Variants in FRMPD3 observed in about 807,000 individuals in gnomAD.
FRMPD3 encodes the protein FERM and PDZ domain-containing protein 3.
A neutral mutation model predicts 97.9 loss-of-function variants in FRMPD3; 42 were observed. That is an observed-to-expected ratio of 0.43 (90% confidence interval 0.34 to 0.55). The LOEUF is 0.55. Ranked by LOEUF, FRMPD3 falls within the 20% of genes least tolerant of loss-of-function variation. The pLI, the probability that FRMPD3 is intolerant of heterozygous loss-of-function variation, is 0.03. For synonymous variants in FRMPD3, 577 were observed against 581.1 expected (o/e 0.99, Z 0.10); for missense variants, 1,303 against 1,457.7 (o/e 0.89, Z 1.73).
At position 107,603,435 on chromosome X, in the gene FRMPD3, C is replaced by A; in HGVS notation, c.*62C>A. 9.0e-7 allele frequency: 1 copy of A among 1,113,222 alleles called. No individual in the cohort carries two copies. The highest frequency in any genetic ancestry group is 2.3e-5 in the South Asian group (1 of 44,207). The allele number at this position is 1,113,222 out of a possible 1,213,427, so 91.7% of individuals were successfully genotyped here. A position where few individuals can be genotyped will look rare whatever the true frequency, so the allele number is the denominator to read the frequency against. ...GGCCCCAGGTTTGAGCTTTGTGGTC[C>A]TTGCATCTTGTGGTGAGTGTGTGTG... On this transcript the variant is annotated 3_prime_UTR_variant, in exon 15 of 15. Coordinates refer to ENST00000683843, the MANE Select transcript of FRMPD3 (RefSeq NM_001388459.1).
At chrX:107,590,660 C>T (rs1371652473) in intron 13 of FRMPD3, among the ~76,000 whole-genome samples, 4 of 112,974 alleles carry the variant, frequency 3.5e-5, no homozygotes, top group Admixed American at 9.3e-5. Context: ...TTAAAGCAAC[C>T]TTGCATTACT....
chrX:107,510,319 A>G (rs1922134181), intron 1 of FRMPD3, among the ~76,000 whole-genome samples: 1 of 111,006 alleles, frequency 9.0e-6, no homozygotes, highest in African/African-American at 3.3e-5. Context: ...CAGTGTTGCC[A>G]GATAGAGAGC....
intron 1 of FRMPD3, among the ~76,000 whole-genome samples, chrX:107,506,737 G>A (rs1922037938): frequency 1.8e-5 from 2 of 112,223 alleles, no homozygotes; most frequent in Admixed American, 1.9e-4. Flanking sequence ...GGGTGGGTGA[G>A]AGGCAGCAGA....
intron 13 of FRMPD3, among the ~76,000 whole-genome samples, chrX:107,593,179 A>G (rs1456166452): frequency 9.0e-6 from 1 of 110,985 alleles, no homozygotes; most frequent in African/African-American, 3.3e-5. Context: ...ATGCTCGGCC[A>G]TTTGTATACC....
intron 12 of FRMPD3, among the ~76,000 whole-genome samples, chrX:107,566,058 A>C (rs763951219): frequency 8.9e-6 from 1 of 112,584 alleles, no homozygotes; most frequent in Non-Finnish European, 1.9e-5. Flanking sequence ...ATTCATTCCC[A>C]TAGATCAACT....
chrX:107,576,460 G>A lies in FRMPD3; in HGVS notation c.1441+1G>A. 8.3e-7 allele frequency: 1 copy of A among 1,209,950 alleles called. No individual in the cohort carries two copies. Among genetic ancestry groups the A allele is most frequent in the Non-Finnish European group, 1.1e-6 (1 of 895,137 alleles). ...CTTCCACCTCCAATGATCAAGGCAG[G>A]TAGGGCTCAACCTCGGTTGGTTTTT... is the stretch of plus-strand genomic sequence containing the variant. On this transcript the variant is annotated splice_donor_variant, in intron 13 of 14. Transcript: ENST00000683843. LOFTEE classifies it high-confidence loss of function.
intron 8 of FRMPD3, 57 bp from the exon 9 acceptor site, chrX:107,560,200 G>T: frequency 8.5e-7 from 1 of 1,176,680 alleles, no homozygotes; most frequent in Admixed American, 2.2e-5. Context: ...AGTAGATCAG[G>T]GGGTGGGGAA....
intron 2 of FRMPD3, 135 bp downstream of exon 2, chrX:107,526,871 C>T: frequency 1.6e-6 from 1 of 639,489 alleles, no homozygotes; most frequent in South Asian, 4.5e-5. Flanking sequence ...GAAGACTTGC[C>T]AACCAATAAC....
At chrX:107,474,156 C>T (rs1921139263) in intron 1 of FRMPD3, among the ~76,000 whole-genome samples, 1 of 112,323 alleles carries the variant, frequency 8.9e-6, no homozygotes, top group African/African-American at 3.2e-5. Context: ...GTATCCTTTC[C>T]CTGTTACCAC....
In FRMPD3 at chrX:107,526,675, ATATGGCTTTGGCTTCG is replaced by A; in HGVS notation, c.89_104del (p.Tyr30TrpfsTer13). The stretch of plus-strand genomic sequence containing the variant: ...AAGTGACCGTTCACCGAGACCCTAT[ATATGGCTTTGGCTTCG>A]TGGCTGGCAGTGAGAGGCCTGTGGT... On this transcript the variant is annotated frameshift_variant, in exon 2 of 15. Coordinates refer to ENST00000683843, the MANE Select transcript of FRMPD3 (RefSeq NM_001388459.1). LOFTEE classifies it high-confidence loss of function. The A allele has an allele frequency of 8.3e-7, 1 of 1,208,077 alleles. No homozygotes were observed. Among genetic ancestry groups the A allele is most frequent in the Non-Finnish European group, 1.1e-6 (1 of 894,118 alleles).
intron 1 of FRMPD3, among the ~76,000 whole-genome samples, chrX:107,508,500 C>T (rs779526851): frequency 8.9e-6 from 1 of 112,058 alleles, no homozygotes; most frequent in East Asian, 2.8e-4. Context: ...GTAGGCACCC[C>T]ATGAACCCCA....
chrX:107,602,300 C>G lies in FRMPD3; in HGVS notation c.4261C>G (p.Leu1421Val). 2 of 1,209,421 alleles carry G rather than the reference C, an allele frequency of 1.7e-6. No homozygotes were observed. The highest frequency in any genetic ancestry group is 2.2e-6 in the Non-Finnish European group (2 of 894,560). ...DVYPHPPLGM[L>V]PREAKEVEAS... ...CTACCCACATCCTCCCCTGGGCATG[C>G]TGCCCAGGGAGGCCAAGGAGGTAGA... The change falls in exon 15 of 15, where the codon CTG becomes GTG. Residue 1421 changes from leucine to valine, a missense_variant. Coordinates refer to ENST00000683843, the MANE Select transcript of FRMPD3 (RefSeq NM_001388459.1).
intron 1 of FRMPD3, among the ~76,000 whole-genome samples, chrX:107,523,069 C>A (rs1234298286): frequency 1.8e-5 from 2 of 111,473 alleles, no homozygotes; most frequent in African/African-American, 6.5e-5. Flanking sequence ...GACAGCTGAG[C>A]TCCTGTCATC....
chrX:107,486,256 C>G (rs1390522843), intron 1 of FRMPD3, among the ~76,000 whole-genome samples: 1 of 112,044 alleles, frequency 8.9e-6, no homozygotes, highest in African/African-American at 3.2e-5. Context: ...CCAGATATTT[C>G]TCAGACTTAC....
chrX:107,503,540 G>A (rs989225790), intron 1 of FRMPD3, among the ~76,000 whole-genome samples: 8 of 112,156 alleles, frequency 7.1e-5, no homozygotes, highest in South Asian at 3.7e-4. Context: ...CCAAGTCTTC[G>A]TTATATTTGA....
At chrX:107,505,862 G>A (rs1250390609) in intron 1 of FRMPD3, among the ~76,000 whole-genome samples, 3 of 112,280 alleles carry the variant, frequency 2.7e-5, no homozygotes, top group Non-Finnish European at 5.6e-5. Flanking sequence ...AATGGGTGGT[G>A]TGAGTCCTTA....
chrX:107,564,339 C>A (rs942179738), intron 11 of FRMPD3, among the ~76,000 whole-genome samples: 1 of 112,665 alleles, frequency 8.9e-6, no homozygotes, highest in Admixed American at 9.3e-5. Flanking sequence ...CTCTGCTTAA[C>A]GAGGGAGGCT....
At chrX:107,483,656 G>A (rs1921432403) in intron 1 of FRMPD3, among the ~76,000 whole-genome samples, 1 of 111,576 alleles carries the variant, frequency 9.0e-6, no homozygotes, top group Non-Finnish European at 1.9e-5. Context: ...TTTTCTTCCT[G>A]GCAGAATGGT....
At chrX:107,577,406 T>A (rs1438706581) in intron 13 of FRMPD3, among the ~76,000 whole-genome samples, 3 of 101,304 alleles carry the variant, frequency 3.0e-5, no homozygotes, top group Non-Finnish European at 5.9e-5. Context: ...ATCACTTGAA[T>A]CTAGAAGGCG....
Sources: gnomAD v4.1 joint callset for allele counts (sites outside exome capture counted in the v4.1 genomes callset) on GRCh38, gnomAD v4.1.1 for gene constraint, MANE v1.5 for transcripts, NCBI Gene and HGNC (gene_info 2026-07-23, HGNC 2026-07-21) for gene names.